Variants in GREB1L observed in about 807,000 individuals in gnomAD.
GREB1L encodes GREB1-like protein.
GREB1L carries 17 observed loss-of-function variants against 200.8 expected under a neutral mutation model. The ratio of observed to expected loss-of-function variants is 0.08; its 90% CI spans 0.06 to 0.13. The LOEUF (loss-of-function observed/expected upper bound fraction) is 0.13, where lower values mean the gene tolerates loss of function less well. Among genes scored for constraint, GREB1L ranks in the 10% least tolerant of loss-of-function variants. The pLI, the probability that GREB1L is intolerant of heterozygous loss-of-function variation, is 1.00. For missense variants in GREB1L, 1,657 were observed against 2,367.7 expected (o/e 0.70, Z 6.23); for synonymous variants, 789 against 893.0 (o/e 0.88, Z 2.08).
chr18:21,378,689 T>C (rs914714972), intron 2 of GREB1L, among the ~76,000 whole-genome samples: 14 of 152,216 alleles, frequency 9.2e-5, no homozygotes, highest in African/African-American at 3.4e-4. Flanking sequence ...TTATCATTTT[T>C]TAAATGCCCT....
At chr18:21,276,442 C>T (rs1030825051) in intron 1 of GREB1L, among the ~76,000 whole-genome samples, 5 of 152,158 alleles carry the variant, frequency 3.3e-5, no homozygotes, top group Non-Finnish European at 7.3e-5. Flanking sequence ...GGAACGCTGC[C>T]CTGAAATCTT....
At chr18:21,343,753 TGAGAC>T (rs1178067009) in intron 1 of GREB1L, among the ~76,000 whole-genome samples, 8 of 144,206 alleles carry the variant, frequency 5.5e-5, no homozygotes, top group African/African-American at 2.2e-4. Context: ...TTTTTTTTTT[TGAGAC>T]AGAGTCTCGC....
chr18:21,400,122 G>T (rs184767270), intron 5 of GREB1L, among the ~76,000 whole-genome samples: 1 of 150,260 alleles, frequency 6.7e-6, no homozygotes, highest in Non-Finnish European at 1.5e-5. Context: ...CAGTAAATGT[G>T]TTATGCCCTC....
intron 16 of GREB1L, among the ~76,000 whole-genome samples, chr18:21,476,269 T>G (rs1297391213): frequency 1.3e-5 from 2 of 152,082 alleles, no homozygotes; most frequent in African/African-American, 4.8e-5. Context: ...ATGTCAGAAT[T>G]GCAAAGCTCT....
At chr18:21,333,549 C>T (rs2145065548) in intron 1 of GREB1L, among the ~76,000 whole-genome samples, 1 of 152,018 alleles carries the variant, frequency 6.6e-6, no homozygotes, top group East Asian at 1.9e-4. Flanking sequence ...GTGGCAGGTG[C>T]CTGTAATCCC....
intron 15 of GREB1L, among the ~76,000 whole-genome samples, chr18:21,457,613 T>C (rs1035528442): frequency 6.6e-6 from 1 of 152,334 alleles, no homozygotes; most frequent in Admixed American, 6.5e-5. Flanking sequence ...TGTACCTCTT[T>C]CCATGTCATG....
At chr18:21,419,741 G>GC (rs1442319204) in intron 7 of GREB1L, among the ~76,000 whole-genome samples, 1 of 152,170 alleles carries the variant, frequency 6.6e-6, no homozygotes, top group African/African-American at 2.4e-5. Context: ...GAGCCACTGT[G>GC]CCCACCCACA....
intron 1 of GREB1L, among the ~76,000 whole-genome samples, chr18:21,299,545 T>G (rs1265000661): frequency 6.6e-6 from 1 of 151,860 alleles, no homozygotes; most frequent in East Asian, 1.9e-4. Context: ...CTTTCTTTCT[T>G]TCTTTCCCCT....
At chr18:21,428,403 G>A (rs1378732679) in intron 7 of GREB1L, among the ~76,000 whole-genome samples, 1 of 93,948 alleles carries the variant, frequency 1.1e-5, no homozygotes, top group Non-Finnish European at 1.9e-5. Context: ...TTTTGTAGAT[G>A]CTTTTTATCA....
rs1262491403 is a variant in GREB1L at position 21,485,485 on chromosome 18, T to TAA, written c.2557-134_2557-133dup. ...ACTGCAGAGTTGGTGTCGGGTTACA[T>TAA]AATGAAACAGTATTTTTTCTTACTT... On this transcript the variant is annotated intron_variant, in intron 17 of 32. Coordinates refer to ENST00000424526, the MANE Select transcript of GREB1L (RefSeq NM_001142966.3). 8.5e-6 allele frequency: 6 copies of TAA among 706,696 alleles called. No homozygotes were observed. The African/African-American group carries it at 1.1e-4, about 13-fold the overall frequency. 43.8% of individuals were successfully genotyped at this position (706,696 alleles called of 1,614,324 possible).
At chr18:21,280,372 C>T (rs1369516202) in intron 1 of GREB1L, among the ~76,000 whole-genome samples, 2 of 151,324 alleles carry the variant, frequency 1.3e-5, no homozygotes, top group Admixed American at 6.6e-5. Flanking sequence ...CTTTTTGTGG[C>T]TTAATATCTC....
intron 1 of GREB1L, among the ~76,000 whole-genome samples, chr18:21,299,580 C>G (rs1768254444): frequency 6.8e-6 from 1 of 147,302 alleles, no homozygotes; most frequent in Admixed American, 6.9e-5. Flanking sequence ...TACCATTTGT[C>G]GTAGGAAGGT....
intron 17 of GREB1L, chr18:21,485,347 C>CA (rs960537156): frequency 0.023 from 6,114 of 265,040 alleles, no homozygotes; most frequent in Middle Eastern, 0.044. Context: ...TGTATCCCAA[C>CA]AAAAAAAAAA....
intron 15 of GREB1L, among the ~76,000 whole-genome samples, chr18:21,471,325 T>A (rs2035473408): frequency 6.6e-6 from 1 of 152,246 alleles, no homozygotes; most frequent in African/African-American, 2.4e-5. Flanking sequence ...CAGACTAATT[T>A]GCAACTGGTA....
chr18:21,510,721 T>G (rs140503258), intron 27 of GREB1L, among the ~76,000 whole-genome samples: 6 of 152,314 alleles, frequency 3.9e-5, no homozygotes, highest in African/African-American at 1.4e-4. Flanking sequence ...GATTGCTAGA[T>G]CATGTGGCAA....
At chr18:21,328,902 T>TTATTA (rs2145009872) in intron 1 of GREB1L, among the ~76,000 whole-genome samples, 2 of 152,296 alleles carry the variant, frequency 1.3e-5, no homozygotes, top group East Asian at 3.9e-4. Context: ...ATCCCCACTT[T>TTATTA]ACAGATGAGT....
Position 21,393,684 on chromosome 18 carries a change from C to T in GREB1L, c.356-1701C>T, listed in dbSNP as rs1567974402. On this transcript the variant is annotated intron_variant, in intron 4 of 32. Coordinates refer to ENST00000424526, the MANE Select transcript of GREB1L (RefSeq NM_001142966.3). The stretch of plus-strand genomic sequence containing the variant: ...GACCTCATGATCCGCCCGCTTCTGC[C>T]TTCCAAAGTGCTGAGATTACAGGTG... Among the ~76,000 whole-genome samples the T allele has an allele frequency of 2.0e-5, 3 of 152,168 alleles. 1 individual carries two copies. In the South Asian group the frequency reaches 6.2e-4, roughly 31 times the overall value.
Position 21,511,092 on chromosome 18 carries a change from C to T in GREB1L, c.4735+2501C>T, listed in dbSNP as rs192078625. On this transcript the variant is annotated intron_variant, in intron 27 of 32. Coordinates refer to ENST00000424526, the MANE Select transcript of GREB1L (RefSeq NM_001142966.3). Reference sequence around the variant, plus strand: ...TACACTCTTGGTAAAGATTTTCTCCCGGCCGGGTACAGTGGCTCACACCTG... The same window carrying T: ...TACACTCTTGGTAAAGATTTTCTCCTGGCCGGGTACAGTGGCTCACACCTG... Among the ~76,000 whole-genome samples the T allele has an allele frequency of 3.9e-5, 6 of 152,178 alleles. No individual in the cohort carries two copies. The East Asian group carries it at 5.8e-4, about 15-fold the overall frequency.
At position 21,468,596 on chromosome 18, in the gene GREB1L, C is replaced by T. The variant is rs556486527; in HGVS notation, c.2183-4435C>T. The T allele has an allele frequency of 3.5e-5, 14 of 397,742 alleles. No individual in the cohort carries two copies. In the East Asian group the frequency reaches 1.0e-3, roughly 29 times the overall value. 24.6% of individuals were successfully genotyped at this position (397,742 alleles called of 1,614,324 possible). ...CATAGAGTTCGCTAAACCCTTCACT[C>T]AGTTTCTCTTAAAGTTAACAACTTA... is the stretch of plus-strand genomic sequence containing the variant. On this transcript the variant is annotated intron_variant, in intron 15 of 32. Transcript: ENST00000424526.
Sources: allele counts gnomAD v4.1 joint callset (sites outside exome capture counted in the v4.1 genomes callset), GRCh38; gene constraint gnomAD v4.1.1; transcripts MANE v1.5; gene names NCBI Gene and HGNC (gene_info 2026-07-23, HGNC 2026-07-21).